Variants in CNTNAP2 observed in about 807,000 individuals in gnomAD.
The protein encoded by CNTNAP2 is contactin-associated protein-like 2.
Under a neutral mutation model 155.2 loss-of-function variants are expected in CNTNAP2, and 98 were observed. That is an observed-to-expected ratio of 0.63 (90% CI 0.54 to 0.75). CNTNAP2 has a LOEUF of 0.75. Among genes scored for constraint, CNTNAP2 ranks in the 30% least tolerant of loss-of-function variants. The probability of loss-of-function intolerance (pLI) is 0.00; values close to 1 mark genes in which losing one functional copy is unlikely to be tolerated. For synonymous variants in CNTNAP2, 651 were observed against 631.2 expected (o/e 1.03, Z -0.47); for missense variants, 1,727 against 1,688.1 (o/e 1.02, Z -0.40).
rs1585069667 is a variant in CNTNAP2 at position 146,743,660 on chromosome 7, A to G, written c.98-30611A>G. The stretch of plus-strand genomic sequence containing the variant: ...GTGTCTGAGTAAAGTTACACAAATA[A>G]TATTGTAATATGACAATACACATCC... On this transcript the variant is annotated intron_variant, in intron 1 of 23. Coordinates refer to ENST00000361727, the MANE Select transcript of CNTNAP2 (RefSeq NM_014141.6). Among the ~76,000 whole-genome samples the G allele has an allele frequency of 2.0e-5, 3 of 152,160 alleles. No individual in the cohort carries two copies. The East Asian group carries it at 5.8e-4, about 29-fold the overall frequency.
intron 1 of CNTNAP2, among the ~76,000 whole-genome samples, chr7:146,419,075 A>T (rs1219525688): frequency 2.6e-5 from 4 of 152,072 alleles, no homozygotes; most frequent in Non-Finnish European, 1.5e-5. Flanking sequence ...TTTTTCTATA[A>T]AGAAAATGAT....
intron 8 of CNTNAP2, among the ~76,000 whole-genome samples, chr7:147,136,997 T>C (rs928186729): frequency 3.3e-5 from 5 of 151,966 alleles, no homozygotes; most frequent in African/African-American, 1.2e-4. Context: ...AGATATGTTC[T>C]CTAATTCAAG....
intron 15 of CNTNAP2, among the ~76,000 whole-genome samples, chr7:148,066,746 C>G (rs1307965871): frequency 1.3e-5 from 2 of 152,112 alleles, no homozygotes; most frequent in African/African-American, 4.8e-5. Context: ...GATCCGCCTG[C>G]CTCAACCTCC....
intron 3 of CNTNAP2, among the ~76,000 whole-genome samples, chr7:146,895,593 ATAAT>A (rs533602038): frequency 4.6e-5 from 7 of 151,694 alleles, no homozygotes; most frequent in Non-Finnish European, 8.9e-5. Context: ...TTAGTATGTA[ATAAT>A]TGTTCATATT....
intron 1 of CNTNAP2, among the ~76,000 whole-genome samples, chr7:146,273,801 C>T (rs182074097): frequency 6.6e-6 from 1 of 152,240 alleles, no homozygotes; most frequent in African/African-American, 2.4e-5. Flanking sequence ...TTACTTAAAA[C>T]CTCTGAGCCC....
chr7:147,571,398 A>G (rs1447013922), intron 12 of CNTNAP2, among the ~76,000 whole-genome samples: 1 of 150,792 alleles, frequency 6.6e-6, no homozygotes, highest in Non-Finnish European at 1.5e-5. Context: ...TATTTTCTCT[A>G]ATATAATTTT....
intron 3 of CNTNAP2, among the ~76,000 whole-genome samples, chr7:146,862,513 G>C (rs1795123589): frequency 6.6e-6 from 1 of 151,954 alleles, no homozygotes; most frequent in South Asian, 2.1e-4. Context: ...CAAAAAAAAC[G>C]CTAATGACAC....
chr7:148,234,138 A>G (rs1229833218), intron 20 of CNTNAP2, among the ~76,000 whole-genome samples: 7 of 152,354 alleles, frequency 4.6e-5, no homozygotes, highest in Middle Eastern at 3.4e-3. Context: ...GGACTAATAT[A>G]CCATCTTAGA....
At chr7:147,745,282 C>A (rs1284355552) in intron 13 of CNTNAP2, among the ~76,000 whole-genome samples, 2 of 152,182 alleles carry the variant, frequency 1.3e-5, no homozygotes, top group Non-Finnish European at 2.9e-5. Flanking sequence ...TCATCACTGG[C>A]TTTCAGCTAA....
intron 1 of CNTNAP2, among the ~76,000 whole-genome samples, chr7:146,575,140 A>G (rs747819089): frequency 1.3e-5 from 2 of 152,020 alleles, no homozygotes; most frequent in Non-Finnish European, 2.9e-5. Flanking sequence ...ATGTCAGAAG[A>G]ACTTTTTTTT....
chr7:148,218,631 C>T (rs991253504), intron 19 of CNTNAP2, among the ~76,000 whole-genome samples: 4 of 152,210 alleles, frequency 2.6e-5, no homozygotes, highest in South Asian at 2.1e-4. Flanking sequence ...TGGACTCAAG[C>T]GATCCTCCTG....
At chr7:146,200,513 CACACACAG>C (rs1396064801) in intron 1 of CNTNAP2, among the ~76,000 whole-genome samples, 7 of 59,122 alleles carry the variant, frequency 1.2e-4, no homozygotes, top group Non-Finnish European at 2.2e-4. Context: ...TATATATACA[CACACACAG>C]ACACACACAC....
At chr7:148,228,145 G>T (rs1055047980) in intron 19 of CNTNAP2, among the ~76,000 whole-genome samples, 2 of 152,100 alleles carry the variant, frequency 1.3e-5, no homozygotes, top group Non-Finnish European at 2.9e-5. Flanking sequence ...TTTGCAGTTG[G>T]TCAAATTCTT....
intron 8 of CNTNAP2, among the ~76,000 whole-genome samples, chr7:147,155,461 G>A (rs1215261835): frequency 6.6e-6 from 1 of 151,984 alleles, no homozygotes; most frequent in African/African-American, 2.4e-5. Context: ...TGAACTATTA[G>A]AACATAGACA....
At chr7:147,018,645 C>T (rs750023546) in intron 3 of CNTNAP2, among the ~76,000 whole-genome samples, 1 of 152,046 alleles carries the variant, frequency 6.6e-6, no homozygotes, top group Non-Finnish European at 1.5e-5. Context: ...TTTTTGGAAA[C>T]CCTTAAACTT....
At chr7:146,451,842 A>ATG (rs1160696767) in intron 1 of CNTNAP2, among the ~76,000 whole-genome samples, 46,248 of 130,800 alleles carry the variant, frequency 0.35, 10,342 homozygotes, top group African/African-American at 0.62. Flanking sequence ...ATACATATAT[A>ATG]TATACACGTA....
At chr7:146,462,143 G>A (rs906381278) in intron 1 of CNTNAP2, among the ~76,000 whole-genome samples, 3 of 152,086 alleles carry the variant, frequency 2.0e-5, no homozygotes, top group Non-Finnish European at 4.4e-5. Flanking sequence ...AGAATAGTTT[G>A]GAGCCAAAAA....
At chr7:147,210,123 G>A (rs899382401) in intron 8 of CNTNAP2, among the ~76,000 whole-genome samples, 2 of 151,988 alleles carry the variant, frequency 1.3e-5, no homozygotes, top group African/African-American at 4.8e-5. Context: ...GAGTTAGGGT[G>A]GAACCCCTCC....
chr7:147,272,611 G>A (rs1418798522), intron 8 of CNTNAP2, among the ~76,000 whole-genome samples: 1 of 151,750 alleles, frequency 6.6e-6, no homozygotes, highest in Non-Finnish European at 1.5e-5. Context: ...CCATTCTCCT[G>A]CCTCAGCCTC....
Sources: gnomAD v4.1 joint callset for allele counts (sites outside exome capture counted in the v4.1 genomes callset) on GRCh38, gnomAD v4.1.1 for gene constraint, MANE v1.5 for transcripts, NCBI Gene and HGNC (gene_info 2026-07-23, HGNC 2026-07-21) for gene names.